Variants in TTC39B observed in about 807,000 individuals in gnomAD.
TTC39B encodes the protein tetratricopeptide repeat domain 39B.
In TTC39B, 92 loss-of-function variants were observed where a neutral mutation model predicts 96.6. The ratio of observed to expected loss-of-function variants is 0.95; its 90% confidence interval spans 0.80 to 1.13. The LOEUF (loss-of-function observed/expected upper bound fraction) is 1.13. Ranked by LOEUF, TTC39B falls within the 50% of genes most tolerant of loss-of-function variation. The pLI is 0.00. For synonymous variants in TTC39B, 367 were observed against 299.4 expected (o/e 1.23, Z -2.33); for missense variants, 955 against 809.3 (o/e 1.18, Z -2.18).
chr9:15,239,215 A>T (rs1269936387), intron 2 of TTC39B, among the ~76,000 whole-genome samples: 1 of 152,224 alleles, frequency 6.6e-6, no homozygotes, highest in African/African-American at 2.4e-5. Context: ...CCACAATGAG[A>T]TATCATCTTA....
rs1399894754 is a variant in TTC39B, at chr9:15,192,708, A to C, written c.825-13T>G. On this transcript the variant is annotated splice_polypyrimidine_tract_variant and intron_variant, in intron 8 of 19. Transcript: ENST00000512701. ...AGAAAGACATTCTCTGGGTTGAAGA[A>C]AAAAAGTGACAGCATAAGTTGACCA... 3.1e-6 allele frequency: 5 copies of C among 1,594,444 alleles called. No individual in the cohort carries two copies.
intron 1 of TTC39B, among the ~76,000 whole-genome samples, chr9:15,296,051 C>A (rs1824362820): frequency 6.6e-6 from 1 of 152,140 alleles, no homozygotes; most frequent in African/African-American, 2.4e-5. Context: ...AGGTTTGTTT[C>A]CTTTGGTTCT....
chr9:15,174,621 C>A (rs1172526160), intron 19 of TTC39B, among the ~76,000 whole-genome samples: 1 of 152,154 alleles, frequency 6.6e-6, no homozygotes, highest in African/African-American at 2.4e-5. Context: ...TCTAAACATA[C>A]CCATCTGTTT....
intron 3 of TTC39B, 113 bp from the exon 4 acceptor site, chr9:15,214,362 C>CTG (rs1820392047): frequency 6.9e-6 from 4 of 581,382 alleles, no homozygotes; most frequent in Non-Finnish European, 8.6e-6. Context: ...GTGTGTGTGT[C>CTG]TGTGTGTGTG....
At chr9:15,192,419 T>C (rs890054400) in intron 9 of TTC39B, among the ~76,000 whole-genome samples, 171 bp downstream of exon 9, 9 of 152,232 alleles carry the variant, frequency 5.9e-5, no homozygotes, top group African/African-American at 2.2e-4. Flanking sequence ...TGAGCATGTG[T>C]GGAACTTTAT....
In TTC39B at chr9:15,259,013, T is replaced by C. The variant is rs77094222; in HGVS notation, c.275+8901A>G. Among the ~76,000 whole-genome samples, 1,208 of 151,988 alleles carry C rather than the reference T, an allele frequency of 7.9e-3. 15 individuals carry two copies. Among genetic ancestry groups the C allele is most frequent in the African/African-American group, 0.028 (1,152 of 41,432 alleles). Reference sequence around the variant, plus strand: ...TAAACACAACAGCAGACCATTAGAGTAGATCTAACAGGACAAAAGAAAATA... The same window carrying C: ...TAAACACAACAGCAGACCATTAGAGCAGATCTAACAGGACAAAAGAAAATA... On this transcript the variant is annotated intron_variant, in intron 2 of 19. Coordinates refer to ENST00000512701, the Ensembl canonical transcript of TTC39B.
chr9:15,201,946 G>A (rs779197756), intron 7 of TTC39B, among the ~76,000 whole-genome samples: 2 of 152,166 alleles, frequency 1.3e-5, no homozygotes, highest in Non-Finnish European at 2.9e-5. Flanking sequence ...CTGCAGAATA[G>A]GGAATGAGCT....
chr9:15,225,037 C>A (rs1821047021), intron 3 of TTC39B, among the ~76,000 whole-genome samples: 1 of 152,116 alleles, frequency 6.6e-6, no homozygotes. Flanking sequence ...AAAGTACTTT[C>A]TCATGTACTA....
Position 15,173,854 on chromosome 9 carries a change from T to C in TTC39B, c.1958+1165A>G, listed in dbSNP as rs142585141. On this transcript the variant is annotated intron_variant, in intron 19 of 19. Coordinates refer to ENST00000512701, the Ensembl canonical transcript of TTC39B. ...ACCTAATAGCCATCTTAAAGAATCA[T>C]GGTCTGAACAGAAGTATGTTTCGTT... 6.5e-3 allele frequency among the ~76,000 whole-genome samples: 986 copies of C among 152,280 alleles called. 4 individuals carry two copies. The highest frequency in any genetic ancestry group is 0.02 in the Middle Eastern group (6 of 294).
chr9:15,199,332 T>A (rs942949378), intron 8 of TTC39B, among the ~76,000 whole-genome samples: 1 of 152,228 alleles, frequency 6.6e-6, no homozygotes. Context: ...TCAGTAGCTT[T>A]ATTTTCAGCT....
At chr9:15,296,789 G>A (rs545922055) in intron 1 of TTC39B, among the ~76,000 whole-genome samples, 44 of 152,122 alleles carry the variant, frequency 2.9e-4, no homozygotes, top group African/African-American at 8.9e-4. Flanking sequence ...GAGCCACTGC[G>A]CCTGGCCAAA....
chr9:15,189,702 A>T, intron 12 of TTC39B, 23 bp downstream of exon 12: 1 of 1,614,084 alleles, frequency 6.2e-7, no homozygotes, highest in South Asian at 1.1e-5. Flanking sequence ...GTTGAAACAT[A>T]CACTTTGAAA....
intron 1 of TTC39B, among the ~76,000 whole-genome samples, chr9:15,270,200 G>A (rs931987783): frequency 2.6e-5 from 4 of 152,036 alleles, no homozygotes; most frequent in African/African-American, 9.7e-5. Flanking sequence ...GTAAACAGTG[G>A]CAGAACTGAG....
chr9:15,190,805 T>C, intron 10 of TTC39B, 143 bp from the exon 11 acceptor site: 1 of 695,650 alleles, frequency 1.4e-6, no homozygotes, highest in Admixed American at 2.6e-5. Flanking sequence ...GCTTTTAGTG[T>C]CCCTATCACC....
At chr9:15,192,304 CT>C (rs1818903409) in intron 9 of TTC39B, among the ~76,000 whole-genome samples, 1 of 152,208 alleles carries the variant, frequency 6.6e-6, no homozygotes, top group Non-Finnish European at 1.5e-5. Flanking sequence ...AATATTTCTG[CT>C]GTGGAAATGG....
chr9:15,302,094 G>A (rs1380174680), intron 1 of TTC39B, among the ~76,000 whole-genome samples: 3 of 152,068 alleles, frequency 2.0e-5, no homozygotes, highest in Non-Finnish European at 4.4e-5. Flanking sequence ...AGGCCAAGGC[G>A]GGTGGATCAC....
At chr9:15,296,619 C>T (rs182637556) in intron 1 of TTC39B, among the ~76,000 whole-genome samples, 10 of 152,246 alleles carry the variant, frequency 6.6e-5, no homozygotes, top group South Asian at 4.1e-4. Context: ...CTCAGCCTCC[C>T]GAGTAGCTGG....
Position 15,268,009 on chromosome 9 carries a change from T to A in TTC39B, c.241-61A>T, listed in dbSNP as rs1823200711. ...AATTCTCAATGGGTTTCTCAAGAAT[T>A]CTAAAAGAGAAAATGAATACACGCA... On this transcript the variant is annotated intron_variant, in intron 1 of 19. Transcript: ENST00000512701. The A allele has an allele frequency of 2.6e-6, 4 of 1,518,964 alleles. No homozygotes were observed. The Admixed American group carries it at 6.9e-5, about 26-fold the overall frequency. The allele number at this position is 1,518,964 out of a possible 1,614,324, so 94.1% of individuals were successfully genotyped here.
chr9:15,166,983 T>C (rs1187527898), exon 20 of TTC39B: 3 of 4,356 alleles, frequency 6.9e-4, no homozygotes, highest in Admixed American at 5.1e-3. Context: ...ACCTTTATTT[T>C]ATATATATAT....
Sources: gnomAD v4.1 joint callset for allele counts (sites outside exome capture counted in the v4.1 genomes callset) on GRCh38, gnomAD v4.1.1 for gene constraint, MANE v1.5 for transcripts, NCBI Gene and HGNC (gene_info 2026-07-23, HGNC 2026-07-21) for gene names.